The following SYT1 variants were observed in gnomAD, a reference collection of about 807,000 sequenced individuals.
SYT1 encodes the protein synaptotagmin-1.
A neutral mutation model predicts 44.8 loss-of-function variants in SYT1; 8 were observed. The ratio of observed to expected loss-of-function variants is 0.18; its 90% CI spans 0.10 to 0.32. The LOEUF (loss-of-function observed/expected upper bound fraction) is 0.32. SYT1 is among the 10% of genes least tolerant of loss of function. SYT1 has a pLI of 1.00. For missense variants in SYT1, 286 were observed against 509.3 expected, an observed-to-expected ratio of 0.56 and a Z score of 4.22; for synonymous variants, 154 against 188.8, an observed-to-expected ratio of 0.82 and a Z score of 1.51.
chr12:79,383,964 T>C (rs912270502), intron 9 of SYT1, among the ~76,000 whole-genome samples: 3 of 152,196 alleles, frequency 2.0e-5, no homozygotes, highest in African/African-American at 7.2e-5. Flanking sequence ...GTGGGGAAAC[T>C]AGAATCTTTT....
intron 2 of SYT1, among the ~76,000 whole-genome samples, chr12:78,997,818 C>T (rs867266091): frequency 2.6e-5 from 4 of 152,238 alleles, no homozygotes; most frequent in African/African-American, 9.6e-5. Context: ...TATCCCCTCA[C>T]CCAGCAGCCT....
At chr12:79,361,042 A>C (rs1883297221) in intron 9 of SYT1, among the ~76,000 whole-genome samples, 1 of 152,036 alleles carries the variant, frequency 6.6e-6, no homozygotes, top group Non-Finnish European at 1.5e-5. Flanking sequence ...TAGCCCAAAA[A>C]CTCCTAAGTA....
At chr12:79,177,040 T>G (rs1384481914) in intron 3 of SYT1, among the ~76,000 whole-genome samples, 1 of 7,626 alleles carries the variant, frequency 1.3e-4, no homozygotes, top group Non-Finnish European at 2.3e-4. Context: ...TATTTCTTTT[T>G]TTTTTTATGT....
chr12:79,387,191 TCTAA>T (rs762651655), intron 9 of SYT1, among the ~76,000 whole-genome samples: 1 of 152,336 alleles, frequency 6.6e-6, no homozygotes, highest in East Asian at 1.9e-4. Context: ...AAATACTATA[TCTAA>T]CTGATACCCT....
At chr12:79,275,743 A>G (rs567264911) in intron 4 of SYT1, among the ~76,000 whole-genome samples, 3 of 152,162 alleles carry the variant, frequency 2.0e-5, no homozygotes, top group Non-Finnish European at 4.4e-5. Context: ...GGCAGTTCTT[A>G]CCCTTAGGTG....
intron 1 of SYT1, among the ~76,000 whole-genome samples, chr12:78,874,022 G>A (rs929817486): frequency 6.6e-6 from 1 of 151,520 alleles, no homozygotes; most frequent in Non-Finnish European, 1.5e-5. Context: ...ACATAGGATA[G>A]GTATTAAGGG....
intron 9 of SYT1, among the ~76,000 whole-genome samples, chr12:79,363,274 C>T (rs1302252178): frequency 6.6e-6 from 1 of 152,004 alleles, no homozygotes; most frequent in Non-Finnish European, 1.5e-5. Context: ...CTATTAGAAA[C>T]ATGTAGCAAA....
At chr12:78,955,518 C>G (rs1879162471) in intron 1 of SYT1, 1 of 152,062 alleles carries the variant, frequency 6.6e-6, no homozygotes, top group South Asian at 2.1e-4. Flanking sequence ...CTGGTGAGAG[C>G]CCATTCCTTA....
At position 79,375,168 on chromosome 12, in the gene SYT1, G is replaced by A. The variant is rs373409322; in HGVS notation, c.928+21549G>A. 1.2e-4 allele frequency among the ~76,000 whole-genome samples: 19 copies of A among 152,174 alleles called. No individual in the cohort carries two copies. In the East Asian group the frequency reaches 3.7e-3, roughly 29 times the overall value. ...CTTAGCTTACGACCTACAGAAACATGCAGCAGCCAGATCTGGTCCACAGGT... is the reference window on the plus strand; with the variant it reads ...CTTAGCTTACGACCTACAGAAACATACAGCAGCCAGATCTGGTCCACAGGT... On this transcript the variant is annotated intron_variant, in intron 9 of 10. Coordinates refer to ENST00000261205, the MANE Select transcript of SYT1 (RefSeq NM_005639.3).
At chr12:79,236,385 T>C (rs1876192048) in intron 4 of SYT1, among the ~76,000 whole-genome samples, 1 of 152,206 alleles carries the variant, frequency 6.6e-6, no homozygotes, top group Admixed American at 6.5e-5. Flanking sequence ...CTAATTACTG[T>C]TCTACAGATA....
chr12:79,215,819 A>C (rs912002731), intron 3 of SYT1, among the ~76,000 whole-genome samples: 9 of 151,846 alleles, frequency 5.9e-5, no homozygotes, highest in Admixed American at 5.9e-4. Context: ...TAAGATTTTA[A>C]TAAGAATCTT....
At chr12:79,243,636 C>A (rs929095590) in intron 4 of SYT1, among the ~76,000 whole-genome samples, 1 of 152,096 alleles carries the variant, frequency 6.6e-6, no homozygotes, top group Non-Finnish European at 1.5e-5. Context: ...TCCAGAGTGG[C>A]AGAGTTGTCA....
At chr12:79,291,699 T>C (rs1879589733) in intron 5 of SYT1, 3 of 467,454 alleles carry the variant, frequency 6.4e-6, no homozygotes, top group South Asian at 4.8e-5. Context: ...AAAGCAGCAG[T>C]TTTATCAGAG....
rs1424888501 is a variant in SYT1, at chr12:79,217,612, T to C, written c.93T>C (p.Ser31=). 2 of 1,613,298 alleles carry C rather than the reference T, an allele frequency of 1.2e-6. No homozygotes were observed. The highest frequency in any genetic ancestry group is 1.6e-4 in the Middle Eastern group (1 of 6,062). Residue 31 remains serine (S), a synonymous_variant, in exon 4 of 11, where the codon AGT becomes AGC. Coordinates refer to ENST00000261205, the MANE Select transcript of SYT1 (RefSeq NM_005639.3). ...VLPSNATEPA[S]PGEGKEDAFS... ...CAAGCAACGCCACAGAGCCAGCCAGTCCTGGAGAAGGAAAGGAAGATGCAT... is the reference window on the plus strand; with the variant it reads ...CAAGCAACGCCACAGAGCCAGCCAGCCCTGGAGAAGGAAAGGAAGATGCAT...
rs199999817 is a variant in SYT1 at position 79,308,612 on chromosome 12, A to AAAAGAAAGAAAGAAAGAAAG, written c.810+9089_810+9108dup. Among the ~76,000 whole-genome samples, 92 of 134,320 alleles carry AAAAGAAAGAAAGAAAGAAAG rather than the reference A, an allele frequency of 6.8e-4. 1 individual carries two copies. Among genetic ancestry groups the AAAAGAAAGAAAGAAAGAAAG allele is most frequent in the African/African-American group, 2.5e-3 (87 of 35,274 alleles). 88.1% of individuals were successfully genotyped at this position (134,320 alleles called of 152,430 possible). ...GAAAGAAGAAAGAAAGAAAGAAAGA[A>AAAAGAAAGAAAGAAAGAAAG]AAAGAAAGAAAGAAAGAAAGAAAGA... On this transcript the variant is annotated intron_variant, in intron 8 of 10. Coordinates refer to ENST00000261205, the MANE Select transcript of SYT1 (RefSeq NM_005639.3).
At chr12:79,436,246 A>G (rs1870083822) in intron 9 of SYT1, among the ~76,000 whole-genome samples, 1 of 152,184 alleles carries the variant, frequency 6.6e-6, no homozygotes, top group African/African-American at 2.4e-5. Flanking sequence ...GCCCTAATTG[A>G]TACCAGTATT....
chr12:79,225,862 A>G (rs1875486573), intron 4 of SYT1, among the ~76,000 whole-genome samples: 1 of 151,894 alleles, frequency 6.6e-6, no homozygotes, highest in Non-Finnish European at 1.5e-5. Context: ...CATTCATCTC[A>G]CCCCATCTTT....
At chr12:78,875,750 T>A (rs1874033580) in intron 1 of SYT1, among the ~76,000 whole-genome samples, 2 of 151,754 alleles carry the variant, frequency 1.3e-5, no homozygotes, top group African/African-American at 4.8e-5. Context: ...TTACATTTTT[T>A]ATGGCGACAA....
intron 3 of SYT1, among the ~76,000 whole-genome samples, chr12:79,110,267 G>T (rs1392021379): frequency 1.3e-5 from 2 of 151,994 alleles, no homozygotes; most frequent in East Asian, 3.9e-4. Context: ...AAAAAAAAGT[G>T]AGCTGACCTC....
Sources: allele counts gnomAD v4.1 joint callset (sites outside exome capture counted in the v4.1 genomes callset), GRCh38; gene constraint gnomAD v4.1.1; transcripts MANE v1.5; gene names NCBI Gene and HGNC (gene_info 2026-07-23, HGNC 2026-07-21).